LHPP: variants seen among roughly 807,000 people sequenced by gnomAD.
LHPP encodes phospholysine phosphohistidine inorganic pyrophosphate phosphatase, also known as hLHPP.
LHPP carries 24 observed loss-of-function variants against 30.3 expected under a neutral mutation model. The observed-to-expected ratio is 0.79, with a 90% confidence interval of 0.57 to 1.11. LHPP has a LOEUF of 1.11. Ranked by LOEUF, LHPP falls within the 50% of genes most tolerant of loss-of-function variation. The pLI is 0.00. For missense variants in LHPP, 356 were observed against 367.2 expected, an observed-to-expected ratio of 0.97 and a Z score of 0.25; for synonymous variants, 150 against 157.1, an observed-to-expected ratio of 0.95 and a Z score of 0.34.
At position 124,517,708 on chromosome 10, in the gene LHPP, G is replaced by A. The variant is rs1954495322; in HGVS notation, c.716+437G>A. Among the ~76,000 whole-genome samples, 1 of 152,180 alleles carries A rather than the reference G, an allele frequency of 6.6e-6. No individual in the cohort carries two copies. The highest frequency in any genetic ancestry group is 2.4e-5 in the African/African-American group (1 of 41,440). ...CCACTCTGTAAGACACAGAGAGCCTGGAGACGACAGAGGGTTGCTCAGGCA... is the reference window on the plus strand; with the variant it reads ...CCACTCTGTAAGACACAGAGAGCCTAGAGACGACAGAGGGTTGCTCAGGCA... On this transcript the variant is annotated intron_variant, in intron 6 of 6. Coordinates refer to ENST00000368842, the MANE Select transcript of LHPP (RefSeq NM_022126.4). The surrounding 1 kb of genome is among the most constrained non-coding windows in gnomAD (Gnocchi z 4.1).
chr10:124,564,588 G>T (rs1948460067), intron 6 of LHPP, among the ~76,000 whole-genome samples: 1 of 152,150 alleles, frequency 6.6e-6, no homozygotes, highest in Admixed American at 6.5e-5. Flanking sequence ...CTGAACATCA[G>T]TCTCCTGACG....
intron 1 of LHPP, among the ~76,000 whole-genome samples, chr10:124,474,633 C>T (rs539544484): frequency 6.8e-4 from 103 of 152,160 alleles, no homozygotes; most frequent in Non-Finnish European, 1.2e-3. Flanking sequence ...AACAGCAGGT[C>T]CCATCTCTAA....
chr10:124,470,802 C>T (rs949173872), intron 1 of LHPP, among the ~76,000 whole-genome samples: 1 of 152,018 alleles, frequency 6.6e-6, no homozygotes, highest in African/African-American at 2.4e-5. Flanking sequence ...GGGAGAGGGC[C>T]ATTTGTTTGC....
intron 6 of LHPP, among the ~76,000 whole-genome samples, chr10:124,575,165 G>A (rs995748017): frequency 3.9e-5 from 6 of 152,044 alleles, no homozygotes; most frequent in African/African-American, 4.8e-5. Flanking sequence ...GGAAGTTTAC[G>A]GTGGAGAATC....
At chr10:124,594,116 T>C (rs528169094) in intron 6 of LHPP, among the ~76,000 whole-genome samples, 20 of 152,052 alleles carry the variant, frequency 1.3e-4, no homozygotes, top group African/African-American at 4.8e-4. Flanking sequence ...TCACTTGAGG[T>C]CAGGAGTTCA....
At chr10:124,530,354 C>T (rs1426844018) in intron 6 of LHPP, among the ~76,000 whole-genome samples, 1 of 152,132 alleles carries the variant, frequency 6.6e-6, no homozygotes, top group Non-Finnish European at 1.5e-5. Flanking sequence ...CTGCTGGAGC[C>T]AGGGCCGATG....
chr10:124,462,492 G>A (rs928838299), intron 1 of LHPP, among the ~76,000 whole-genome samples: 3 of 152,138 alleles, frequency 2.0e-5, no homozygotes, highest in Non-Finnish European at 4.4e-5. Flanking sequence ...CCACTTGGGA[G>A]GCTGAGGCAG....
At chr10:124,544,172 G>C (rs1017066001) in intron 6 of LHPP, among the ~76,000 whole-genome samples, 8 of 152,346 alleles carry the variant, frequency 5.3e-5, no homozygotes, top group African/African-American at 1.7e-4. Context: ...GGACTGATCT[G>C]ACAGACGGGT....
intron 3 of LHPP, among the ~76,000 whole-genome samples, chr10:124,494,625 G>C (rs572389845): frequency 6.6e-6 from 1 of 152,272 alleles, no homozygotes; most frequent in South Asian, 2.1e-4. Context: ...TGGCCACCCT[G>C]GTCCTCAGCA....
chr10:124,567,873 A>G (rs1459071113), intron 6 of LHPP, among the ~76,000 whole-genome samples: 2 of 152,242 alleles, frequency 1.3e-5, no homozygotes, highest in Non-Finnish European at 2.9e-5. Context: ...ATCTGCTCTA[A>G]TGCATGGTCT....
chr10:124,581,917 G>A (rs1320271989), intron 6 of LHPP, among the ~76,000 whole-genome samples: 2 of 152,004 alleles, frequency 1.3e-5, no homozygotes, highest in Non-Finnish European at 2.9e-5. Flanking sequence ...AAGTAGCTGG[G>A]ACTACAGGTG....
intron 1 of LHPP, among the ~76,000 whole-genome samples, chr10:124,483,866 GA>G (rs1414333275): frequency 6.6e-6 from 1 of 151,802 alleles, no homozygotes; most frequent in Non-Finnish European, 1.5e-5. Flanking sequence ...GTCAGGTGGG[GA>G]ACCTCGGGGA....
intron 6 of LHPP, among the ~76,000 whole-genome samples, chr10:124,579,321 A>C (rs1231855942): frequency 6.6e-6 from 1 of 152,258 alleles, no homozygotes; most frequent in Non-Finnish European, 1.5e-5. Flanking sequence ...AGTGCCGTCC[A>C]GTTTCCCCTC....
chr10:124,487,844 A>G (rs546760726), intron 2 of LHPP, among the ~76,000 whole-genome samples: 1 of 152,344 alleles, frequency 6.6e-6, no homozygotes, highest in Non-Finnish European at 1.5e-5. Flanking sequence ...GATTTGATGT[A>G]TCCTTGCAAA....
intron 3 of LHPP, among the ~76,000 whole-genome samples, chr10:124,489,267 A>G (rs1008078335): frequency 6.6e-6 from 1 of 152,230 alleles, no homozygotes; most frequent in Non-Finnish European, 1.5e-5. Context: ...ATTTTGGTGT[A>G]TGTCCTTGCA....
rs548179260 is a variant in LHPP, at chr10:124,604,825, G to T, written c.717-8439G>T. 7.2e-5 allele frequency among the ~76,000 whole-genome samples: 11 copies of T among 152,352 alleles called. 1 individual carries two copies. The South Asian group carries it at 2.3e-3, about 32-fold the overall frequency. On this transcript the variant is annotated intron_variant, in intron 6 of 6. Transcript: ENST00000368842. ...AAAGCAAATGGGGACAGGGATACCTGCCCCTCCCTGGGTAGGCAGCTGTTG... is the reference window on the plus strand; with the variant it reads ...AAAGCAAATGGGGACAGGGATACCTTCCCCTCCCTGGGTAGGCAGCTGTTG...
intron 6 of LHPP, among the ~76,000 whole-genome samples, chr10:124,586,642 C>A (rs1010712304): frequency 6.6e-6 from 1 of 152,162 alleles, no homozygotes; most frequent in Non-Finnish European, 1.5e-5. Context: ...TGAGCTGAGG[C>A]TTGAAAGAAA....
At chr10:124,581,721 G>A (rs1300014418) in intron 6 of LHPP, among the ~76,000 whole-genome samples, 1 of 151,996 alleles carries the variant, frequency 6.6e-6, no homozygotes, top group Non-Finnish European at 1.5e-5. Flanking sequence ...TTGGAGAAAT[G>A]TCTATTCAAA....
At chr10:124,498,163 G>GTAGCCCCGT in intron 5 of LHPP, 35 bp downstream of exon 5, 3 of 1,592,828 alleles carry the variant, frequency 1.9e-6, no homozygotes, top group South Asian at 1.1e-5. Context: ...GTCAGGGGAG[G>GTAGCCCCGT]CAGCCCCGTC....
Sources: allele counts gnomAD v4.1 joint callset (sites outside exome capture counted in the v4.1 genomes callset), GRCh38; gene constraint gnomAD v4.1.1; non-coding constraint Gnocchi (gnomAD v3.1); transcripts MANE v1.5; gene names NCBI Gene and HGNC (gene_info 2026-07-23, HGNC 2026-07-21).